YARS1: variants seen among roughly 807,000 people sequenced by gnomAD.
YARS1 encodes tyrosine--tRNA ligase, cytoplasmic.
Under a neutral mutation model 62.2 loss-of-function variants are expected in YARS1, and 36 were observed. That is an observed-to-expected ratio of 0.58 (90% confidence interval 0.44 to 0.76). The LOEUF (loss-of-function observed/expected upper bound fraction) is 0.76, where lower values mean the gene tolerates loss of function less well. Ranked by LOEUF, YARS1 falls within the 30% of genes least tolerant of loss-of-function variation. The probability of loss-of-function intolerance (pLI) is 0.00; values close to 1 mark genes in which losing one functional copy is unlikely to be tolerated. For missense variants in YARS1, 524 were observed against 639.8 expected (o/e 0.82, Z 1.95); for synonymous variants, 234 against 244.9 (o/e 0.96, Z 0.42).
At chr1:32,798,949 A>G (rs1653691380) in intron 4 of YARS1, among the ~76,000 whole-genome samples, 1 of 152,196 alleles carries the variant, frequency 6.6e-6, no homozygotes, top group African/African-American at 2.4e-5. Flanking sequence ...AAGAAGCCCA[A>G]TTATCCAGCT....
chr1:32,786,289 C>A lies in YARS1; in HGVS notation c.906+73G>T. On this transcript the variant is annotated intron_variant, in intron 8 of 12. Transcript: ENST00000373477. Reference sequence around the variant, plus strand: ...TTTACACAGAACAAGTTGTTCTAAACAAGTTCTAACAGTCAGCAAAAAATA... The same window carrying A: ...TTTACACAGAACAAGTTGTTCTAAAAAAGTTCTAACAGTCAGCAAAAAATA... The A allele has an allele frequency of 3.4e-6, 5 of 1,457,558 alleles. No homozygotes were observed. In the South Asian group the frequency reaches 5.9e-5, roughly 17 times the overall value. 90.3% of individuals were successfully genotyped at this position (1,457,558 alleles called of 1,614,324 possible).
chr1:32,811,165 G>C (rs913077132), intron 1 of YARS1, 108 bp from the exon 2 acceptor site: 40 of 1,542,164 alleles, frequency 2.6e-5, no homozygotes, highest in African/African-American at 4.1e-5. Context: ...TCCAGGCTCA[G>C]AGCCATCAAG....
At chr1:32,792,546 C>T (rs1429512094) in intron 5 of YARS1, among the ~76,000 whole-genome samples, 1 of 149,962 alleles carries the variant, frequency 6.7e-6, no homozygotes, top group Non-Finnish European at 1.5e-5. Flanking sequence ...AGAAACAATC[C>T]AGATATTGCA....
chr1:32,785,825 C>T (rs1195350272), intron 8 of YARS1, among the ~76,000 whole-genome samples: 1 of 151,710 alleles, frequency 6.6e-6, no homozygotes, highest in Admixed American at 6.6e-5. Context: ...CTCAGGTGAT[C>T]CACCCACCTC....
intron 6 of YARS1, 30 bp downstream of exon 6, chr1:32,791,120 AGGCTGAAGATTT>A: frequency 6.4e-7 from 1 of 1,551,588 alleles, no homozygotes; most frequent in Non-Finnish European, 8.9e-7. Flanking sequence ...CTCTCCATTG[AGGCTGAAGATTT>A]CTAAATTCAA....
intron 10 of YARS1, chr1:32,780,526 A>ATC (rs1653018432): frequency 1.8e-6 from 1 of 551,382 alleles, no homozygotes; most frequent in Non-Finnish European, 3.3e-6. Flanking sequence ...AGGTGGAAGG[A>ATC]TCTCTAAGCC....
At chr1:32,778,742 T>C (rs1224484721) in intron 12 of YARS1, among the ~76,000 whole-genome samples, 183 of 147,386 alleles carry the variant, frequency 1.2e-3, no homozygotes, top group African/African-American at 4.4e-3. Context: ...TTTTCTTTTT[T>C]TTTTTTTTTT....
chr1:32,796,364 C>CT (rs1031391068), intron 5 of YARS1, among the ~76,000 whole-genome samples: 4 of 145,894 alleles, frequency 2.7e-5, no homozygotes, highest in Non-Finnish European at 6.0e-5. Flanking sequence ...TTATTTTTTT[C>CT]TTTTTTGTTT....
At chr1:32,782,821 G>A (rs1653103441) in intron 8 of YARS1, 2 of 434,610 alleles carry the variant, frequency 4.6e-6, no homozygotes. Context: ...GCTTAGAGTA[G>A]GGTCACAGAC....
chr1:32,797,537 T>A, intron 5 of YARS1: 1 of 574,946 alleles, frequency 1.7e-6, no homozygotes, highest in Non-Finnish European at 3.1e-6. Flanking sequence ...ACCAGGCACA[T>A]GGGCTCTGGA....
intron 8 of YARS1, 83 bp downstream of exon 8, chr1:32,786,279 T>C: frequency 1.5e-6 from 2 of 1,364,180 alleles, no homozygotes; most frequent in Non-Finnish European, 2.1e-6. Context: ...ACAGAACAAG[T>C]TGTTCTAAAC....
intron 1 of YARS1, among the ~76,000 whole-genome samples, chr1:32,814,840 A>G (rs1167109803): frequency 1.3e-5 from 2 of 152,202 alleles, no homozygotes; most frequent in Non-Finnish European, 2.9e-5. Context: ...GTGTACCCCG[A>G]TAAGAGGTTG....
chr1:32,780,764 G>A (rs1653026085), intron 10 of YARS1: 4 of 488,054 alleles, frequency 8.2e-6, no homozygotes, highest in South Asian at 6.1e-5. Context: ...CAGGCAAGCC[G>A]ATAGGGATCA....
At chr1:32,786,851 G>A in intron 7 of YARS1, 89 bp downstream of exon 7, 1 of 1,560,724 alleles carries the variant, frequency 6.4e-7, no homozygotes, top group Non-Finnish European at 8.8e-7. Flanking sequence ...AGTCCCTGAA[G>A]GAAGAGTCTG....
chr1:32,810,225 A>G (rs113680203), intron 3 of YARS1, among the ~76,000 whole-genome samples: 2,296 of 152,336 alleles, frequency 0.015, 56 homozygotes, highest in African/African-American at 0.052. Flanking sequence ...GCGGTGAGAA[A>G]TAAGTGAAAT....
intron 1 of YARS1, chr1:32,816,783 A>G: frequency 4.7e-6 from 1 of 212,678 alleles, no homozygotes; most frequent in Non-Finnish European, 9.6e-6. Context: ...TTCCCTTTAA[A>G]GCTCCCAGTA....
At chr1:32,793,365 A>G (rs1156779648) in intron 5 of YARS1, among the ~76,000 whole-genome samples, 1 of 152,210 alleles carries the variant, frequency 6.6e-6, no homozygotes, top group East Asian at 1.9e-4. Flanking sequence ...ATAGCTGGTC[A>G]GGCACAGCAG....
rs761920995 is a variant in YARS1, at chr1:32,780,056, C to T, written c.1334+29G>A. The T allele has an allele frequency of 3.7e-6, 6 of 1,613,578 alleles. No homozygotes were observed. The African/African-American group carries it at 6.7e-5, about 18-fold the overall frequency. On this transcript the variant is annotated intron_variant, in intron 11 of 12. Transcript: ENST00000373477. Reference sequence around the variant, plus strand: ...CCTACTCTTCCTGGCCTCCCCAGGTCCTGTGCCCCACTCCAAGTCCTCACT... The same window carrying T: ...CCTACTCTTCCTGGCCTCCCCAGGTTCTGTGCCCCACTCCAAGTCCTCACT...
intron 11 of YARS1, 51 bp from the exon 12 acceptor site, chr1:32,779,574 G>T: frequency 6.2e-7 from 1 of 1,613,624 alleles, no homozygotes; most frequent in Non-Finnish European, 8.5e-7. Flanking sequence ...GGGTTCCAGT[G>T]ACTGTGGAGG....
Sources: gnomAD v4.1 joint callset for allele counts (sites outside exome capture counted in the v4.1 genomes callset) on GRCh38, gnomAD v4.1.1 for gene constraint, MANE v1.5 for transcripts, NCBI Gene and HGNC (gene_info 2026-07-23, HGNC 2026-07-21) for gene names.